The following ZNF775 variants were observed in gnomAD, a reference collection of about 807,000 sequenced individuals.
The protein encoded by ZNF775 is zinc finger protein 775.
In ZNF775, 1 loss-of-function variant was observed where a neutral mutation model predicts 2.4. The ratio of observed to expected loss-of-function variants is 0.41; its 90% CI spans 0.15 to 1.94. The LOEUF (loss-of-function observed/expected upper bound fraction) is 1.94, where lower values mean the gene tolerates loss of function less well. Ranked by LOEUF, ZNF775 falls within the 30% of genes most tolerant of loss-of-function variation. ZNF775 has a pLI of 0.30. For synonymous variants in ZNF775, 381 were observed against 373.3 expected (o/e 1.02, Z -0.24); for missense variants, 823 against 826.6 (o/e 1.00, Z 0.05).
Position 150,398,351 on chromosome 7 carries a change from G to A in ZNF775, c.*256G>A. Reference sequence around the variant, plus strand: ...CGGGATGTGACCACCCTCTTCAGAGGTTGGACCCCAGGCTTCAAGCACCGA... The same window carrying A: ...CGGGATGTGACCACCCTCTTCAGAGATTGGACCCCAGGCTTCAAGCACCGA... On this transcript the variant is annotated 3_prime_UTR_variant, in exon 3 of 3. Transcript: ENST00000329630. 3.4e-6 allele frequency: 2 copies of A among 580,884 alleles called. No individual in the cohort carries two copies. The highest frequency in any genetic ancestry group is 5.9e-6 in the Non-Finnish European group (2 of 341,170). 36.0% of individuals were successfully genotyped at this position (580,884 alleles called of 1,614,324 possible).
Position 150,397,117 on chromosome 7 carries a change from G to A in ZNF775, c.636G>A (p.Ala212=), listed in dbSNP as rs756076786. The change falls in exon 3 of 3, where the codon GCG becomes GCA. Residue 212 remains alanine, a synonymous_variant. Coordinates refer to ENST00000329630, the MANE Select transcript of ZNF775 (RefSeq NM_173680.4). ...HQVGLRIHQR[A]HARDRQGSRA... The stretch of plus-strand genomic sequence containing the variant: ...TGGGCCTCCGCATCCACCAGCGCGC[G>A]CACGCCCGGGACCGCCAGGGCTCCC... 1.3e-6 allele frequency: 2 copies of A among 1,527,064 alleles called. No homozygotes were observed. The highest frequency in any genetic ancestry group is 2.8e-5 in the African/African-American group (2 of 71,304). The allele number at this position is 1,527,064 out of a possible 1,614,324, so 94.6% of individuals were successfully genotyped here.
chr7:150,389,604 G>A (rs1436163997), intron 2 of ZNF775, among the ~76,000 whole-genome samples: 1 of 152,212 alleles, frequency 6.6e-6, no homozygotes, highest in Non-Finnish European at 1.5e-5. Flanking sequence ...TCATACCTGG[G>A]ATCCTGAGTC....
Position 150,397,206 on chromosome 7 carries a change from G to A in ZNF775, c.725G>A (p.Gly242Glu). 9.0e-7 allele frequency: 1 copy of A among 1,105,184 alleles called. No individual in the cohort carries two copies. Among genetic ancestry groups the A allele is most frequent in the Non-Finnish European group, 1.1e-6 (1 of 907,996 alleles). 68.5% of individuals were successfully genotyped at this position (1,105,184 alleles called of 1,614,324 possible). A position where few individuals can be genotyped will look rare whatever the true frequency, so the allele number is the denominator to read the frequency against. Residue 242 changes from glycine to glutamate, a missense_variant, in exon 3 of 3, where the codon GGG becomes GAG. Transcript: ENST00000329630. ...CGCCGGGCCTGTCGCCTGCAGCCGG[G>A]GCCGCCGCGGGGGCGCCCCGAGTGG... ...AARRACRLQPGPPRGRPEWAW... is the reference protein window; with the variant it reads ...AARRACRLQPEPPRGRPEWAW...
intron 1 of ZNF775, among the ~76,000 whole-genome samples, chr7:150,386,815 A>G (rs1425201094): frequency 6.6e-6 from 1 of 152,170 alleles, no homozygotes; most frequent in East Asian, 1.9e-4. Context: ...AGGGCAGCAC[A>G]TTCCTGCCAC....
At chr7:150,385,889 T>A (rs544247101) in intron 1 of ZNF775, among the ~76,000 whole-genome samples, 1 of 152,322 alleles carries the variant, frequency 6.6e-6, no homozygotes, top group South Asian at 2.1e-4. Context: ...TCCTTGATAC[T>A]TAAATTTCAA....
intron 2 of ZNF775, among the ~76,000 whole-genome samples, chr7:150,389,917 G>GTTT (rs145048046): frequency 1.4e-5 from 2 of 145,426 alleles, no homozygotes; most frequent in African/African-American, 5.1e-5. Context: ...GTGTGTGTGT[G>GTTT]TGTTATGGCA....
Position 150,398,356 on chromosome 7 carries a change from A to T in ZNF775, c.*261A>T, listed in dbSNP as rs964851216. ...TGTGACCACCCTCTTCAGAGGTTGG[A>T]CCCCAGGCTTCAAGCACCGAGTGAG... On this transcript the variant is annotated 3_prime_UTR_variant, in exon 3 of 3. Transcript: ENST00000329630. 2.3e-5 allele frequency: 13 copies of T among 563,824 alleles called. No homozygotes were observed. The Admixed American group carries it at 4.5e-4, about 20-fold the overall frequency. 34.9% of individuals were successfully genotyped at this position (563,824 alleles called of 1,614,324 possible). A position where few individuals can be genotyped will look rare whatever the true frequency, so the allele number is the denominator to read the frequency against.
chr7:150,398,091 GC>G lies in ZNF775; in HGVS notation c.1611del (p.Ter538SerfsTer31), dbSNP rs1563261669. On this transcript the variant is annotated frameshift_variant, in exon 3 of 3. Coordinates refer to ENST00000329630, the MANE Select transcript of ZNF775 (RefSeq NM_173680.4). LOFTEE classifies it high-confidence loss of function. ...GCGTGCAGCCCCAAGGAGGAGGCGC[GC>G]TAGTGGACTGGACCTCAGCGGACCC... is the stretch of plus-strand genomic sequence containing the variant. Reference protein sequence around the residue: ...APACSPKEEAR With the variant: ...APACSPKEEAX 1 of 1,548,376 alleles carries G rather than the reference GC, an allele frequency of 6.5e-7. No homozygotes were observed. The highest frequency in any genetic ancestry group is 8.7e-7 in the Non-Finnish European group (1 of 1,151,270).
intron 1 of ZNF775, among the ~76,000 whole-genome samples, chr7:150,383,086 C>T (rs780431366): frequency 9.2e-5 from 14 of 152,264 alleles, no homozygotes; most frequent in South Asian, 2.1e-4. Context: ...GGTGTTCTCA[C>T]GTAGTTTTGT....
intron 2 of ZNF775, among the ~76,000 whole-genome samples, chr7:150,393,366 C>T (rs895382797): frequency 6.6e-6 from 1 of 152,208 alleles, no homozygotes; most frequent in Non-Finnish European, 1.5e-5. Flanking sequence ...TATCCATTCA[C>T]CCACTGAAGG....
At position 150,396,865 on chromosome 7, in the gene ZNF775, C is replaced by T; in HGVS notation, c.384C>T (p.Thr128=). ...WWSSLKIHQR[T]HTGEKPYLCG... Reference sequence around the variant, plus strand: ...CGTCCCTGAAGATCCACCAGCGCACCCACACCGGGGAGAAGCCGTACCTCT... The same window carrying T: ...CGTCCCTGAAGATCCACCAGCGCACTCACACCGGGGAGAAGCCGTACCTCT... The change falls in exon 3 of 3, where the codon ACC becomes ACT. Residue 128 remains threonine, a synonymous_variant. Transcript: ENST00000329630. 6.2e-7 allele frequency: 1 copy of T among 1,602,824 alleles called. No homozygotes were observed. Among genetic ancestry groups the T allele is most frequent in the Non-Finnish European group, 8.5e-7 (1 of 1,179,690 alleles).
At position 150,397,842 on chromosome 7, in the gene ZNF775, G is replaced by C. The variant is rs779698536; in HGVS notation, c.1361G>C (p.Ser454Thr). 6.2e-7 allele frequency: 1 copy of C among 1,601,854 alleles called. No homozygotes were observed. Among genetic ancestry groups the C allele is most frequent in the East Asian group, 2.2e-5 (1 of 44,644 alleles). ...RQFICNECGK[S>T]FSWWSALTIH... ...TTCATCTGCAACGAGTGCGGCAAGA[G>C]CTTCTCGTGGTGGTCGGCGCTCACC... is the stretch of plus-strand genomic sequence containing the variant. Residue 454 changes from serine to threonine, a missense_variant, in exon 3 of 3, where the codon AGC (serine) becomes ACC (threonine). Physicochemically the swap from Ser to Thr is moderately conservative, Grantham distance 58. Coordinates refer to ENST00000329630, the MANE Select transcript of ZNF775 (RefSeq NM_173680.4).
At chr7:150,392,314 T>C (rs1309797183) in intron 2 of ZNF775, among the ~76,000 whole-genome samples, 1 of 152,232 alleles carries the variant, frequency 6.6e-6, no homozygotes, top group Non-Finnish European at 1.5e-5. Context: ...GAATATCTCT[T>C]GTATCATGTA....
In ZNF775 at chr7:150,397,864, C is replaced by T. The variant is rs1259390165; in HGVS notation, c.1383C>T (p.Leu461=). The T allele has an allele frequency of 6.2e-7, 1 of 1,602,142 alleles. No homozygotes were observed. The highest frequency in any genetic ancestry group is 1.3e-5 in the African/African-American group (1 of 74,546). Residue 461 remains leucine, a synonymous_variant, in exon 3 of 3, where the codon CTC becomes CTT. Coordinates refer to ENST00000329630, the MANE Select transcript of ZNF775 (RefSeq NM_173680.4). ...CGKSFSWWSA[L]TIHQRIHTGE... ...AGAGCTTCTCGTGGTGGTCGGCGCT[C>T]ACCATCCACCAGCGCATCCACACGG...
rs1421954047 is a variant in ZNF775, at chr7:150,397,050, C to G, written c.569C>G (p.Thr190Ser). 2 of 1,595,750 alleles carry G rather than the reference C, an allele frequency of 1.3e-6. No individual in the cohort carries two copies. Among genetic ancestry groups the G allele is most frequent in the Non-Finnish European group, 1.7e-6 (2 of 1,177,520 alleles). The change falls in exon 3 of 3, where the codon ACC (threonine) becomes AGC (serine). Residue 190 changes from threonine to serine, a missense_variant. Thr to Ser is a moderately conservative substitution (Grantham distance 58, BLOSUM62 1). Transcript: ENST00000329630. Reference sequence around the variant, plus strand: ...CAGAAGACCCACTCCCGGCCCGCCACCCACTCGTGCCCCGAGTGCGAGCGC... The same window carrying G: ...CAGAAGACCCACTCCCGGCCCGCCAGCCACTCGTGCCCCGAGTGCGAGCGC... Reference protein sequence around the residue: ...KHQKTHSRPATHSCPECERCF... With the variant: ...KHQKTHSRPASHSCPECERCF...
In ZNF775 at chr7:150,397,437, G is replaced by C. The variant is rs1800688836; in HGVS notation, c.956G>C (p.Ser319Thr). ...YACPECGRRF[S>T]QKPNLTRHLR... ...TGCCCCGAGTGCGGCCGCCGCTTCA[G>C]CCAGAAGCCCAACTTGACGCGGCAC... The change falls in exon 3 of 3, where the codon AGC (serine) becomes ACC (threonine). Residue 319 changes from serine to threonine, a missense_variant. By Grantham distance (58) the Ser-to-Thr change is moderately conservative (BLOSUM62 1). Coordinates refer to ENST00000329630, the MANE Select transcript of ZNF775 (RefSeq NM_173680.4). 2 of 1,595,586 alleles carry C rather than the reference G, an allele frequency of 1.3e-6. No individual in the cohort carries two copies. The highest frequency in any genetic ancestry group is 1.1e-5 in the South Asian group (1 of 90,966).
chr7:150,393,027 T>C (rs974415398), intron 2 of ZNF775, among the ~76,000 whole-genome samples: 1 of 152,236 alleles, frequency 6.6e-6, no homozygotes, highest in Admixed American at 6.5e-5. Context: ...GGTTCTCTTT[T>C]GGTCTTGTAC....
At position 150,397,558 on chromosome 7, in the gene ZNF775, C is replaced by T. The variant is rs1198912285; in HGVS notation, c.1077C>T (p.His359=). The change falls in exon 3 of 3, where the codon CAC becomes CAT. Residue 359 remains histidine, a synonymous_variant. Transcript: ENST00000329630. ...KQHLLKHLRT[H]LPGAQAAPCP... is the part of the protein sequence containing the mutation. The stretch of plus-strand genomic sequence containing the variant: ...ACCTGCTCAAGCACCTGCGCACGCA[C>T]CTGCCCGGCGCCCAGGCTGCGCCCT... 1.3e-6 allele frequency: 2 copies of T among 1,524,800 alleles called. No individual in the cohort carries two copies. The highest frequency in any genetic ancestry group is 1.7e-6 in the Non-Finnish European group (2 of 1,143,362). The allele number at this position is 1,524,800 out of a possible 1,614,324, so 94.5% of individuals were successfully genotyped here.
At position 150,396,590 on chromosome 7, in the gene ZNF775, G is replaced by A. The variant is rs1800657810; in HGVS notation, c.109G>A (p.Val37Met). ...GACGCTGGCGCCGCAGGCCATGCTT[G>A]TGGAGAAGGACAAGGAGAACATATT... is the stretch of plus-strand genomic sequence containing the variant. Reference protein sequence around the residue: ...LQTLAPQAMLVEKDKENIFQQ... With the variant: ...LQTLAPQAMLMEKDKENIFQQ... The change falls in exon 3 of 3, where the codon GTG becomes ATG. Residue 37 changes from valine (V) to methionine (M), a missense_variant. Coordinates refer to ENST00000329630, the MANE Select transcript of ZNF775 (RefSeq NM_173680.4). 1.9e-6 allele frequency: 3 copies of A among 1,609,966 alleles called. No homozygotes were observed. Among genetic ancestry groups the A allele is most frequent in the Non-Finnish European group, 2.5e-6 (3 of 1,179,164 alleles).
Sources: gnomAD v4.1 joint callset for allele counts (sites outside exome capture counted in the v4.1 genomes callset) on GRCh38, gnomAD v4.1.1 for gene constraint, MANE v1.5 for transcripts, NCBI Gene and HGNC (gene_info 2026-07-23, HGNC 2026-07-21) for gene names.